Variants in DCTN4 observed in about 807,000 individuals in gnomAD.
DCTN4 encodes the protein dynactin subunit 4.
DCTN4 carries 23 observed loss-of-function variants against 62.7 expected under a neutral mutation model. The ratio of observed to expected loss-of-function variants is 0.37; its 90% CI spans 0.26 to 0.52. The LOEUF is 0.52. Among genes scored for constraint, DCTN4 ranks in the 20% least tolerant of loss-of-function variants. The pLI is 0.92. For synonymous variants in DCTN4, 199 were observed against 202.1 expected, an observed-to-expected ratio of 0.98 and a Z score of 0.13; for missense variants, 514 against 580.4, an observed-to-expected ratio of 0.89 and a Z score of 1.18.
intron 3 of DCTN4, among the ~76,000 whole-genome samples, chr5:150,750,134 T>C (rs1357140224): frequency 6.6e-6 from 1 of 152,202 alleles, no homozygotes; most frequent in Non-Finnish European, 1.5e-5. Context: ...AAATGTTGTG[T>C]ATCATGATTA....
intron 3 of DCTN4, among the ~76,000 whole-genome samples, chr5:150,747,087 A>G (rs1484522281): frequency 6.6e-6 from 1 of 152,208 alleles, no homozygotes; most frequent in Non-Finnish European, 1.5e-5. Context: ...CAACTTCAGC[A>G]AAGTCTCGGG....
At chr5:150,748,942 AG>A (rs2113132841) in intron 3 of DCTN4, among the ~76,000 whole-genome samples, 1 of 152,148 alleles carries the variant, frequency 6.6e-6, no homozygotes, top group African/African-American at 2.4e-5. Flanking sequence ...TATAATAATA[AG>A]AAAAAAAAAG....
intron 8 of DCTN4, 97 bp downstream of exon 8, chr5:150,730,534 A>G (rs1760318693): frequency 5.7e-6 from 6 of 1,052,832 alleles, no homozygotes; most frequent in Non-Finnish European, 8.6e-6. Context: ...TCTGTATTTA[A>G]TACATTCCAA....
At chr5:150,714,187 C>G (rs1250804560) in intron 12 of DCTN4, among the ~76,000 whole-genome samples, 1 of 152,142 alleles carries the variant, frequency 6.6e-6, no homozygotes, top group Non-Finnish European at 1.5e-5. Flanking sequence ...TCCAAGCGCA[C>G]CTCTCTCAAT....
In DCTN4 at chr5:150,749,668, AAAAT is replaced by A. The variant is rs1379114525; in HGVS notation, c.385+3807_385+3810del. Reference sequence around the variant, plus strand: ...CCATCTCTACTTTAAAAAATAAAAAAAAATAAAAATAGTTTGGCAGCTTCTAGAC... The same window carrying A: ...CCATCTCTACTTTAAAAAATAAAAAAAAAAATAGTTTGGCAGCTTCTAGAC... On this transcript the variant is annotated intron_variant, in intron 3 of 12. Coordinates refer to ENST00000447998, the MANE Select transcript of DCTN4 (RefSeq NM_016221.4). 1.2e-3 allele frequency among the ~76,000 whole-genome samples: 187 copies of A among 152,206 alleles called. 1 individual carries two copies. Among genetic ancestry groups the A allele is most frequent in the Middle Eastern group, 3.4e-3 (1 of 294 alleles).
chr5:150,718,311 C>G lies in DCTN4; in HGVS notation c.1036G>C (p.Glu346Gln). The G allele has an allele frequency of 6.2e-7, 1 of 1,614,104 alleles. No homozygotes were observed. Among genetic ancestry groups the G allele is most frequent in the Non-Finnish European group, 8.5e-7 (1 of 1,180,000 alleles). Residue 346 changes from glutamate to glutamine, a missense_variant, in exon 11 of 13, where the codon GAG becomes CAG. Glu to Gln is a conservative substitution (Grantham distance 29). Coordinates refer to ENST00000447998, the MANE Select transcript of DCTN4 (RefSeq NM_016221.4). The stretch of plus-strand genomic sequence containing the variant: ...CTGTTGATATCATCAGGGTCCCCCT[C>G]CTCACACTCGAAGAGAGTCACATGG... ...LTHVTLFECE[E>Q]GDPDDINSTA...
chr5:150,725,796 C>A (rs75620417), intron 8 of DCTN4, among the ~76,000 whole-genome samples: 22 of 152,156 alleles, frequency 1.4e-4, no homozygotes, highest in Admixed American at 3.9e-4. Flanking sequence ...ATGGCAGCAG[C>A]AGCATGTGCA....
At chr5:150,742,545 C>G (rs1243755403) in intron 3 of DCTN4, among the ~76,000 whole-genome samples, 1 of 152,152 alleles carries the variant, frequency 6.6e-6, no homozygotes, top group Non-Finnish European at 1.5e-5. Flanking sequence ...CAGTCTGACT[C>G]CGGAGACTTT....
At chr5:150,716,347 T>A (rs1360768667) in intron 11 of DCTN4, among the ~76,000 whole-genome samples, 1 of 152,154 alleles carries the variant, frequency 6.6e-6, no homozygotes, top group South Asian at 2.1e-4. Flanking sequence ...TTTTTTGACA[T>A]GGTACCAGCT....
intron 1 of DCTN4, chr5:150,758,336 A>G (rs1335780886): frequency 3.0e-6 from 3 of 986,258 alleles, no homozygotes; most frequent in Non-Finnish European, 3.6e-6. Flanking sequence ...CGCTTTTCAC[A>G]TAACTCACGC....
intron 3 of DCTN4, among the ~76,000 whole-genome samples, chr5:150,750,054 T>C (rs1752619345): frequency 6.6e-6 from 1 of 152,118 alleles, no homozygotes; most frequent in Non-Finnish European, 1.5e-5. Context: ...CATATCAGTC[T>C]AGTCAGGGGC....
chr5:150,724,232 T>C lies in DCTN4; in HGVS notation c.835-1252A>G, dbSNP rs549706943. 7.2e-5 allele frequency among the ~76,000 whole-genome samples: 11 copies of C among 152,330 alleles called. No homozygotes were observed. In the East Asian group the frequency reaches 7.7e-4, roughly 11 times the overall value. On this transcript the variant is annotated intron_variant, in intron 8 of 12. Transcript: ENST00000447998. ...ACATTTCCCTGATTAGTGTATAAAT[T>C]TGAATATCTTTCATATTTATTGGCT...
At chr5:150,729,041 G>GTTTT (rs1561696053) in intron 8 of DCTN4, among the ~76,000 whole-genome samples, 1 of 79,152 alleles carries the variant, frequency 1.3e-5, no homozygotes, top group African/African-American at 9.4e-5. Flanking sequence ...CACCACACTG[G>GTTTT]CTTTTTTTTT....
intron 12 of DCTN4, among the ~76,000 whole-genome samples, chr5:150,713,430 TTTTTC>T (rs1480487128): frequency 1.1e-3 from 163 of 151,638 alleles, no homozygotes; most frequent in South Asian, 6.0e-3. Context: ...CTTCACTTTA[TTTTTC>T]TTTTCTTTTC....
At chr5:150,736,510 A>G (rs1760587777) in intron 4 of DCTN4, among the ~76,000 whole-genome samples, 1 of 152,244 alleles carries the variant, frequency 6.6e-6, no homozygotes, top group Admixed American at 6.5e-5. Context: ...AGCGAAACTA[A>G]GCTTTGTAAA....
chr5:150,736,074 A>G (rs1760572117), intron 4 of DCTN4, among the ~76,000 whole-genome samples: 2 of 152,020 alleles, frequency 1.3e-5, no homozygotes, highest in African/African-American at 4.8e-5. Context: ...AATAATAACA[A>G]TAATAATAAA....
chr5:150,755,573 G>T (rs1271429532), intron 2 of DCTN4: 2 of 455,986 alleles, frequency 4.4e-6, no homozygotes, highest in Non-Finnish European at 4.4e-6. Context: ...CTAGTCTGAT[G>T]AGAAAAAAAC....
At chr5:150,736,971 A>G (rs749261346) in intron 4 of DCTN4, among the ~76,000 whole-genome samples, 2 of 152,342 alleles carry the variant, frequency 1.3e-5, no homozygotes, top group Admixed American at 6.5e-5. Context: ...AGCTATTCTT[A>G]TATCAGACAA....
intron 4 of DCTN4, 118 bp from the exon 5 acceptor site, chr5:150,733,593 G>A: frequency 3.2e-6 from 2 of 621,212 alleles, no homozygotes; most frequent in Non-Finnish European, 5.2e-6. Flanking sequence ...AGATGGGCAA[G>A]TTTGCCCTTT....
Sources: gnomAD v4.1 joint callset for allele counts (sites outside exome capture counted in the v4.1 genomes callset) on GRCh38, gnomAD v4.1.1 for gene constraint, MANE v1.5 for transcripts, NCBI Gene and HGNC (gene_info 2026-07-23, HGNC 2026-07-21) for gene names.